Variants in PTPDC1 observed in about 807,000 individuals in gnomAD.
PTPDC1 encodes protein tyrosine phosphatase domain containing 1, also known as protein tyrosine phosphatase domain-containing protein 1.
In PTPDC1, 53 loss-of-function variants were observed where a neutral mutation model predicts 75.3. That is an observed-to-expected ratio of 0.70 (90% CI 0.56 to 0.88). The LOEUF is 0.88. Ranked by LOEUF, PTPDC1 falls within the 40% of genes least tolerant of loss-of-function variation. The pLI, the probability that PTPDC1 is intolerant of heterozygous loss-of-function variation, is 0.00. For synonymous variants in PTPDC1, 349 were observed against 366.2 expected (o/e 0.95, Z 0.54); for missense variants, 925 against 998.6 (o/e 0.93, Z 0.99).
exon 1 of PTPDC1, chr9:94,031,113 C>T (rs1039241936): frequency 1.3e-5 from 2 of 152,236 alleles, no homozygotes; most frequent in Non-Finnish European, 2.9e-5. Context: ...GGCTTGGAAT[C>T]TCGAGCGGGA....
chr9:94,042,598 GT>G (rs1429033153), intron 1 of PTPDC1, among the ~76,000 whole-genome samples: 1 of 152,226 alleles, frequency 6.6e-6, no homozygotes, highest in Non-Finnish European at 1.5e-5. Context: ...GTTGTAATCT[GT>G]TTTGGTTTAG....
intron 1 of PTPDC1, among the ~76,000 whole-genome samples, chr9:94,041,956 G>T (rs1166872414): frequency 6.6e-6 from 1 of 152,150 alleles, no homozygotes; most frequent in East Asian, 1.9e-4. Flanking sequence ...ATATTAATCT[G>T]TGTATGCATA....
intron 7 of PTPDC1, among the ~76,000 whole-genome samples, chr9:94,102,217 T>C (rs1245260911): frequency 6.6e-6 from 1 of 152,138 alleles, no homozygotes; most frequent in Non-Finnish European, 1.5e-5. Flanking sequence ...GCTGTGAGCA[T>C]GCATATGGGA....
chr9:94,046,272 G>A (rs1825596075), intron 1 of PTPDC1, among the ~76,000 whole-genome samples: 1 of 152,196 alleles, frequency 6.6e-6, no homozygotes, highest in East Asian at 1.9e-4. Flanking sequence ...TTGAAGTCAG[G>A]TAGCATGATG....
At chr9:94,056,692 A>G (rs1044112337) in intron 1 of PTPDC1, among the ~76,000 whole-genome samples, 6 of 152,238 alleles carry the variant, frequency 3.9e-5, no homozygotes, top group African/African-American at 1.4e-4. Flanking sequence ...TAGTGACCTA[A>G]GAATTCTTCA....
chr9:94,078,123 C>G (rs1393132000), intron 2 of PTPDC1, among the ~76,000 whole-genome samples: 1 of 152,188 alleles, frequency 6.6e-6, no homozygotes, highest in African/African-American at 2.4e-5. Flanking sequence ...TCCTTTCTTT[C>G]ACATGGATTC....
chr9:94,038,340 G>T, intron 1 of PTPDC1: 1 of 599,544 alleles, frequency 1.7e-6, no homozygotes, highest in Non-Finnish European at 3.1e-6. Flanking sequence ...AGCTACTAGT[G>T]AGTAATTATT....
chr9:94,080,607 A>G (rs928585406), upstream of PTPDC1, among the ~76,000 whole-genome samples: 1 of 152,208 alleles, frequency 6.6e-6, no homozygotes, highest in Non-Finnish European at 1.5e-5. Context: ...TTCCGAGTCT[A>G]ATCATGAGGA....
intron 8 of PTPDC1, among the ~76,000 whole-genome samples, chr9:94,106,247 C>T (rs1828020362): frequency 6.6e-6 from 1 of 152,170 alleles, no homozygotes; most frequent in South Asian, 2.1e-4. Context: ...CATGTCTCTT[C>T]ATAGTCTGAT....
At chr9:94,061,420 C>G (rs1826130048) in intron 1 of PTPDC1, among the ~76,000 whole-genome samples, 1 of 152,246 alleles carries the variant, frequency 6.6e-6, no homozygotes, top group East Asian at 1.9e-4. Context: ...GCCTTCTTCT[C>G]ACAGCTGCAC....
Position 94,097,430 on chromosome 9 carries a change from C to T in PTPDC1, c.864C>T (p.Leu288=). Residue 288 remains leucine (L), a synonymous_variant, in exon 6 of 9, where the codon CTC becomes CTT. Transcript: ENST00000620992. The stretch of plus-strand genomic sequence containing the variant: ...ATTCCATACAAACCAGAGGACAGCT[C>T]CTCTGTGTAAGGGAATTTACTCAGT... ...RPNSIQTRGQ[L]LCVREFTQFL... is the part of the protein sequence containing the mutation. 2 of 1,614,130 alleles carry T rather than the reference C, an allele frequency of 1.2e-6. No individual in the cohort carries two copies. The highest frequency in any genetic ancestry group is 1.7e-6 in the Non-Finnish European group (2 of 1,179,968).
At chr9:94,084,364 A>G, upstream of PTPDC1, 1 of 1,102,424 alleles carries the variant, frequency 9.1e-7, no homozygotes, top group Non-Finnish European at 1.2e-6. Flanking sequence ...TTCAGATCTA[A>G]GTGGGAATCA....
chr9:94,058,805 A>G (rs569927498), intron 1 of PTPDC1, among the ~76,000 whole-genome samples: 29 of 152,320 alleles, frequency 1.9e-4, no homozygotes, highest in African/African-American at 6.5e-4. Flanking sequence ...CCTGGCCAAC[A>G]TGGCAAAACC....
intron 2 of PTPDC1, among the ~76,000 whole-genome samples, chr9:94,075,008 C>T (rs937132566): frequency 2.0e-5 from 3 of 152,178 alleles, no homozygotes; most frequent in Admixed American, 2.0e-4. Flanking sequence ...CTGGTATTGA[C>T]TAATCCCACT....
intron 1 of PTPDC1, among the ~76,000 whole-genome samples, chr9:94,035,099 C>T (rs1197290460): frequency 1.3e-5 from 2 of 152,200 alleles, no homozygotes; most frequent in Non-Finnish European, 2.9e-5. Flanking sequence ...ATTTTCTCCA[C>T]TTCCTTGAGT....
At chr9:94,095,962 A>T (rs1209001481) in intron 5 of PTPDC1, among the ~76,000 whole-genome samples, 1 of 152,206 alleles carries the variant, frequency 6.6e-6, no homozygotes, top group Non-Finnish European at 1.5e-5. Context: ...TGCCAGGGCC[A>T]CACTTTAAAT....
chr9:94,033,168 C>T (rs903113457), intron 1 of PTPDC1, among the ~76,000 whole-genome samples: 10 of 152,082 alleles, frequency 6.6e-5, no homozygotes, highest in Admixed American at 6.6e-5. Flanking sequence ...GCCTGCACGT[C>T]CTTTTTCAAA....
At chr9:94,044,115 C>T (rs1300984404) in intron 1 of PTPDC1, among the ~76,000 whole-genome samples, 4 of 152,002 alleles carry the variant, frequency 2.6e-5, no homozygotes, top group South Asian at 2.1e-4. Context: ...TCTTCTTTTC[C>T]GAGTGGAATT....
intron 1 of PTPDC1, among the ~76,000 whole-genome samples, chr9:94,044,815 G>T (rs947533474): frequency 1.3e-5 from 2 of 151,000 alleles, no homozygotes; most frequent in African/African-American, 4.9e-5. Flanking sequence ...CCTCGTTCCT[G>T]ATTTAAGGGG....
Sources: gnomAD v4.1 joint callset for allele counts (sites outside exome capture counted in the v4.1 genomes callset) on GRCh38, gnomAD v4.1.1 for gene constraint, MANE v1.5 for transcripts, NCBI Gene and HGNC (gene_info 2026-07-23, HGNC 2026-07-21) for gene names.